Variants in OR4K1 observed in about 807,000 individuals in gnomAD.
The protein encoded by OR4K1 is olfactory receptor 4K1.
A neutral mutation model predicts 14.4 loss-of-function variants in OR4K1; 16 were observed. That is an observed-to-expected ratio of 1.11 (90% CI 0.75 to 1.68). The LOEUF (loss-of-function observed/expected upper bound fraction) is 1.68, where lower values mean the gene tolerates loss of function less well. Among genes scored for constraint, OR4K1 ranks in the 40% most tolerant of loss-of-function variants. The pLI, the probability that OR4K1 is intolerant of heterozygous loss-of-function variation, is 0.00. For synonymous variants in OR4K1, 181 were observed against 133.1 expected, an observed-to-expected ratio of 1.36 and a Z score of -2.48; for missense variants, 548 against 376.9, an observed-to-expected ratio of 1.45 and a Z score of -3.76.
At chr14:19,920,867 T>C in the OR4K1 span, 62 of 1,614,092 alleles carry the variant, frequency 3.8e-5, no homozygotes, top group Admixed American at 9.7e-4. Context: ...ATTTTCTGAG[T>C]GCACACGAGA....
upstream of OR4K1, among the ~76,000 whole-genome samples, chr14:19,929,749 T>C (rs1336824336): frequency 6.6e-6 from 1 of 152,226 alleles, no homozygotes; most frequent in African/African-American, 2.4e-5. Context: ...ACAGTCAAGA[T>C]TATGCTTGTC....
At chr14:19,921,343 T>C in the OR4K1 span, 3 of 1,614,194 alleles carry the variant, frequency 1.9e-6, no homozygotes, top group Non-Finnish European at 2.5e-6. Flanking sequence ...CATATTGCAG[T>C]AGTAATATTA....
the OR4K1 span, among the ~76,000 whole-genome samples, chr14:19,923,071 C>T: frequency 1.3e-5 from 2 of 152,342 alleles, no homozygotes; most frequent in African/African-American, 4.8e-5. Flanking sequence ...AATTTCATCG[C>T]TTTGTAACTC....
chr14:19,930,389 CTGTT>C (rs1292417668), upstream of OR4K1, among the ~76,000 whole-genome samples: 5 of 152,164 alleles, frequency 3.3e-5, no homozygotes, highest in South Asian at 8.3e-4. Context: ...TTGAAAAAGA[CTGTT>C]GATGTATTTT....
chr14:19,928,729 G>A (rs1882115957), upstream of OR4K1, among the ~76,000 whole-genome samples: 1 of 152,100 alleles, frequency 6.6e-6, no homozygotes, highest in Non-Finnish European at 1.5e-5. Flanking sequence ...TCCAAATTAT[G>A]TTGACATTTT....
upstream of OR4K1, among the ~76,000 whole-genome samples, chr14:19,927,693 A>G (rs1882091392): frequency 1.3e-5 from 2 of 152,224 alleles, no homozygotes; most frequent in African/African-American, 4.8e-5. Context: ...GAAAGACCAC[A>G]TCCATTTGGT....
the OR4K1 span, chr14:19,921,246 T>C: frequency 6.2e-7 from 1 of 1,614,196 alleles, no homozygotes; most frequent in East Asian, 2.2e-5. Context: ...TTTCTCTCTC[T>C]TGGTCAGCTC....
At position 19,936,616 on chromosome 14, in the gene OR4K1, G is replaced by A; in HGVS notation, c.*14G>A. On this transcript the variant is annotated 3_prime_UTR_variant, in exon 2 of 2. Transcript: ENST00000641172. ...TGGAAAAACTAGGGATCATTACGAA[G>A]GAGCATAATCCTGAATTAGAATGAA... The A allele has an allele frequency of 1.3e-6, 2 of 1,575,588 alleles. No homozygotes were observed. The highest frequency in any genetic ancestry group is 1.7e-6 in the Non-Finnish European group (2 of 1,161,760).
chr14:19,934,865 G>A (rs1471271200), intron 1 of OR4K1, among the ~76,000 whole-genome samples: 1 of 152,130 alleles, frequency 6.6e-6, no homozygotes, highest in Non-Finnish European at 1.5e-5. Flanking sequence ...TAGAGACGGG[G>A]TTTCACCATG....
At chr14:19,924,427 AGAT>A in the OR4K1 span, among the ~76,000 whole-genome samples, 1 of 144,200 alleles carries the variant, frequency 6.9e-6, no homozygotes, top group East Asian at 2.0e-4. Flanking sequence ...AAAAAAAAAA[AGAT>A]AGCATTTATA....
the OR4K1 span, among the ~76,000 whole-genome samples, chr14:19,924,476 T>A: frequency 1.3e-5 from 2 of 151,488 alleles, no homozygotes; most frequent in Admixed American, 6.6e-5. Flanking sequence ...TCAAATTTAT[T>A]TCTTGACTTT....
At chr14:19,931,412 A>G (rs1172160532) in intron 1 of OR4K1, 1 of 152,310 alleles carries the variant, frequency 6.6e-6, no homozygotes, top group Admixed American at 6.5e-5. Context: ...TACAACCATT[A>G]TCTGTCCCTT....
Position 19,936,673 on chromosome 14 carries a change from C to A in OR4K1, c.*71C>A, listed in dbSNP as rs1594457753. ...CCAGTGTATCATAGTGTCATGCCAA[C>A]CATCTTTGCCAGACATATGGGTTAT... is the stretch of plus-strand genomic sequence containing the variant. On this transcript the variant is annotated 3_prime_UTR_variant, in exon 2 of 2. Coordinates refer to ENST00000641172, the MANE Select transcript of OR4K1 (RefSeq NM_001004063.3). 1.5e-6 allele frequency: 2 copies of A among 1,373,576 alleles called. No individual in the cohort carries two copies. The highest frequency in any genetic ancestry group is 2.9e-5 in the African/African-American group (2 of 69,404). The allele number at this position is 1,373,576 out of a possible 1,614,324, so 85.1% of individuals were successfully genotyped here. A position where few individuals can be genotyped will look rare whatever the true frequency, so the allele number is the denominator to read the frequency against.
intron 1 of OR4K1, among the ~76,000 whole-genome samples, chr14:19,933,595 G>T (rs987551633): frequency 2.6e-5 from 4 of 152,000 alleles, no homozygotes; most frequent in Non-Finnish European, 5.9e-5. Context: ...TTAGGTTTCT[G>T]CATTCTTTTT....
chr14:19,927,553 C>T (rs1198337556), upstream of OR4K1, among the ~76,000 whole-genome samples: 2 of 152,014 alleles, frequency 1.3e-5, no homozygotes, highest in Non-Finnish European at 2.9e-5. Flanking sequence ...TACAACAATG[C>T]CTATCAGGGA....
In OR4K1 at chr14:19,935,794, T is replaced by C; in HGVS notation, c.128T>C (p.Val43Ala). ...IVYVTSVLGN[V>A]LIIVIISFDS... ...TATGTGACATCAGTGCTAGGCAATG[T>C]CTTAATTATTGTCATTATTTCTTTT... Residue 43 changes from valine to alanine, a missense_variant, in exon 2 of 2, where the codon GTC (valine) becomes GCC (alanine). By Grantham distance (64) the Val-to-Ala change is moderately conservative (BLOSUM62 0). Transcript: ENST00000641172. 1 of 1,614,178 alleles carries C rather than the reference T, an allele frequency of 6.2e-7. No individual in the cohort carries two copies. The highest frequency in any genetic ancestry group is 8.5e-7 in the Non-Finnish European group (1 of 1,180,014).
the OR4K1 span, among the ~76,000 whole-genome samples, chr14:19,923,334 C>T: frequency 6.6e-6 from 1 of 152,212 alleles, no homozygotes; most frequent in African/African-American, 2.4e-5. Flanking sequence ...ATCTTGATGT[C>T]TGATAGATTA....
intron 1 of OR4K1, 167 bp from the exon 2 acceptor site, chr14:19,935,481 C>A: frequency 1.8e-6 from 1 of 564,252 alleles, no homozygotes; most frequent in Non-Finnish European, 3.0e-6. Flanking sequence ...TCATAGCAGT[C>A]ATGGATGTTA....
rs768933614 is a variant in OR4K1, at chr14:19,935,705, A to C, written c.39A>C (p.Val13=). 3 of 1,610,768 alleles carry C rather than the reference A, an allele frequency of 1.9e-6. No homozygotes were observed. Among genetic ancestry groups the C allele is most frequent in the Non-Finnish European group, 2.5e-6 (3 of 1,179,198 alleles). The change falls in exon 2 of 2, where the codon GTA becomes GTC. Residue 13 remains valine (V), a synonymous_variant. Coordinates refer to ENST00000641172, the MANE Select transcript of OR4K1 (RefSeq NM_001004063.3). ...ATGAATCGATGGTGTCTGAGTTTGT[A>C]CTTTTGGGACTCTCTAATTCCTGGG... ...HTNESMVSEF[V]LLGLSNSWGL... is the part of the protein sequence containing the mutation.
Sources: gnomAD v4.1 joint callset for allele counts (sites outside exome capture counted in the v4.1 genomes callset) on GRCh38, gnomAD v4.1.1 for gene constraint, MANE v1.5 for transcripts, NCBI Gene and HGNC (gene_info 2026-07-23, HGNC 2026-07-21) for gene names.